Variants in HUWE1 observed in about 807,000 individuals in gnomAD.
HUWE1 encodes the protein E3 ubiquitin-protein ligase HUWE1.
HUWE1 carries 18 observed loss-of-function variants against 299.4 expected under a neutral mutation model. That is an observed-to-expected ratio of 0.06 (90% CI 0.04 to 0.09). The LOEUF is 0.09. Among genes scored for constraint, HUWE1 ranks in the 10% least tolerant of loss-of-function variants. The pLI is 1.00. For missense variants in HUWE1, 1,832 were observed against 3,462.3 expected, an observed-to-expected ratio of 0.53 and a Z score of 11.82; for synonymous variants, 1,317 against 1,286.1, an observed-to-expected ratio of 1.02 and a Z score of -0.51.
rs781831162 is a variant in HUWE1, at chrX:53,536,195, C to A, written c.12483G>T (p.Leu4161=). The stretch of plus-strand genomic sequence containing the variant: ...AGCCTAGTGTGGAGACATCATTTTC[C>A]AGCAGATAAACCAGACCTTGGTAGA... ...YHFYQGLVYL[L]ENDVSTLGYD... The change falls in exon 80 of 84, where the codon CTG becomes CTT. Residue 4161 remains leucine (L), a synonymous_variant. Coordinates refer to ENST00000262854, the MANE Select transcript of HUWE1 (RefSeq NM_031407.7). 2 of 1,205,849 alleles carry A rather than the reference C, an allele frequency of 1.7e-6. No individual in the cohort carries two copies. The highest frequency in any genetic ancestry group is 2.2e-6 in the Non-Finnish European group (2 of 890,476).
At chrX:53,631,689 G>A in intron 9 of HUWE1, 75 bp from the exon 10 acceptor site, 1 of 767,637 alleles carries the variant, frequency 1.3e-6, no homozygotes, top group Non-Finnish European at 2.0e-6. Flanking sequence ...GAGCTCCAAA[G>A]GGCTGTCTGA....
chrX:53,648,791 T>C (rs782068893), intron 4 of HUWE1, among the ~76,000 whole-genome samples: 5 of 112,069 alleles, frequency 4.5e-5, no homozygotes, highest in Non-Finnish European at 7.5e-5. Context: ...ACTAGCTATA[T>C]TTTTCTGTTA....
intron 83 of HUWE1, 66 bp from the exon 84 acceptor site, chrX:53,533,477 T>C: frequency 1.3e-6 from 1 of 783,116 alleles, no homozygotes; most frequent in Non-Finnish European, 1.9e-6. Context: ...TGTGTTCCCA[T>C]GGTGCCCACC....
At chrX:53,641,617 T>C (rs782219992) in intron 7 of HUWE1, among the ~76,000 whole-genome samples, 1 of 111,904 alleles carries the variant, frequency 8.9e-6, no homozygotes, top group African/African-American at 3.2e-5. Context: ...CAGATTATAG[T>C]TGTAGTTTAT....
At chrX:53,536,808 G>A (rs2061082588) in intron 78 of HUWE1, 141 bp from the exon 79 acceptor site, 1 of 536,262 alleles carries the variant, frequency 1.9e-6, no homozygotes, top group Non-Finnish European at 3.1e-6. Context: ...TGCCAGGACA[G>A]CCCAGAAATG....
intron 83 of HUWE1, 33 bp downstream of exon 83, chrX:53,533,974 C>T: frequency 8.5e-7 from 1 of 1,170,170 alleles, no homozygotes; most frequent in Non-Finnish European, 1.2e-6. Flanking sequence ...TCAACCTAAG[C>T]ACTGAAAAGG....
In HUWE1 at chrX:53,648,523, T is replaced by TAAAAA. The variant is rs1557037695; in HGVS notation, c.46-218_46-214dup. 3.0e-4 allele frequency among the ~76,000 whole-genome samples: 26 copies of TAAAAA among 86,912 alleles called. 1 individual carries two copies. The highest frequency in any genetic ancestry group is 2.2e-3 in the African/African-American group (25 of 11,384). 75.5% of individuals were successfully genotyped at this position (86,912 alleles called of 115,157 possible). A position where few individuals can be genotyped will look rare whatever the true frequency, so the allele number is the denominator to read the frequency against. On this transcript the variant is annotated intron_variant, in intron 4 of 83. Transcript: ENST00000262854. ...ATTCCCCCAACAATCCACCTGGGCT[T>TAAAAA]AAAAAACAAAAAAAAACAAAAAAAA...
chrX:53,609,187 T>C (rs2065310044), intron 23 of HUWE1, among the ~76,000 whole-genome samples: 1 of 111,046 alleles, frequency 9.0e-6, no homozygotes, highest in African/African-American at 3.3e-5. Flanking sequence ...TGAATCTACC[T>C]TTCCAAGCCT....
intron 18 of HUWE1, 44 bp downstream of exon 18, chrX:53,625,113 G>C (rs781951402): frequency 4.8e-6 from 4 of 829,253 alleles, no homozygotes; most frequent in Non-Finnish European, 7.3e-6. Context: ...CAATCTTTGA[G>C]AGAGTAAAAT....
At position 53,624,664 on chromosome X, in the gene HUWE1, A is replaced by G; in HGVS notation, c.1603T>C (p.Ser535Pro). ...ATGTGTTTCAGGGAGGTAGGCAGAGAACCATCCATCACTAAAAGAAAAGTG... is the reference window on the plus strand; with the variant it reads ...ATGTGTTTCAGGGAGGTAGGCAGAGGACCATCCATCACTAAAAGAAAAGTG... ...SDGIRHVMDG[S>P]LPTSLKHIIS... Residue 535 changes from serine (S) to proline (P), a missense_variant, in exon 19 of 84, where the codon TCT (serine) becomes CCT (proline). Ser to Pro is a moderately conservative substitution (Grantham distance 74, BLOSUM62 -1). Around this residue, in one of 15 missense-constraint regions of HUWE1, gnomAD observed 658 missense variants for 1,282.6 expected, o/e 0.51. Coordinates refer to ENST00000262854, the MANE Select transcript of HUWE1 (RefSeq NM_031407.7). 1 of 1,194,272 alleles carries G rather than the reference A, an allele frequency of 8.4e-7. No homozygotes were observed. The highest frequency in any genetic ancestry group is 2.2e-5 in the Admixed American group (1 of 46,018).
At chrX:53,583,403 A>G (rs2063719996) in intron 42 of HUWE1, among the ~76,000 whole-genome samples, 155 bp downstream of exon 42, 1 of 111,475 alleles carries the variant, frequency 9.0e-6, no homozygotes. Flanking sequence ...GCAAGCTCCC[A>G]AGCATAGAGT....
At chrX:53,617,204 A>T in intron 20 of HUWE1, 57 bp from the exon 21 acceptor site, 2 of 1,106,025 alleles carry the variant, frequency 1.8e-6, no homozygotes, top group Non-Finnish European at 2.5e-6. Context: ...ATGCTAGGAA[A>T]ATCCGGCCAT....
chrX:53,659,209 G>A (rs782648323), intron 3 of HUWE1, among the ~76,000 whole-genome samples: 1 of 112,407 alleles, frequency 8.9e-6, no homozygotes, highest in Non-Finnish European at 1.9e-5. Context: ...TTACCCAAAG[G>A]AGTTGAAAAC....
chrX:53,536,306 A>C (rs2061063481), intron 79 of HUWE1, 54 bp from the exon 80 acceptor site: 1 of 1,158,670 alleles, frequency 8.6e-7, no homozygotes, highest in Non-Finnish European at 1.2e-6. Context: ...GGGAAGAAGG[A>C]GCACAAGGAT....
At chrX:53,672,264 C>CT (rs374683676) in intron 3 of HUWE1, among the ~76,000 whole-genome samples, 1,446 of 96,703 alleles carry the variant, frequency 0.015, 11 homozygotes, top group African/African-American at 0.033. Context: ...GATGTCCTTA[C>CT]TTTTTTTTTT....
intron 6 of HUWE1, among the ~76,000 whole-genome samples, chrX:53,646,889 A>G (rs1461884897): frequency 8.9e-6 from 1 of 111,967 alleles, no homozygotes; most frequent in African/African-American, 3.2e-5. Context: ...TGCTGCACCT[A>G]CCTTACTCTT....
chrX:53,622,728 G>C (rs151276413), intron 19 of HUWE1, among the ~76,000 whole-genome samples: 43 of 111,726 alleles, frequency 3.8e-4, no homozygotes, highest in African/African-American at 1.3e-3. Context: ...GGGACTTCCT[G>C]TTGCATGATC....
At chrX:53,588,958 C>T (rs1034267235) in intron 36 of HUWE1, among the ~76,000 whole-genome samples, 4 of 112,289 alleles carry the variant, frequency 3.6e-5, no homozygotes, top group Non-Finnish European at 5.6e-5. Context: ...TACTTGTGTT[C>T]TTGTGCATTA....
At chrX:53,684,210 A>C in intron 2 of HUWE1, 1 of 217,832 alleles carries the variant, frequency 4.6e-6, no homozygotes. Flanking sequence ...GTTGAGAACT[A>C]TCGCGATATT....
Sources: allele counts gnomAD v4.1 joint callset (sites outside exome capture counted in the v4.1 genomes callset), GRCh38; gene constraint gnomAD v4.1.1; regional missense constraint gnomAD v4.1.1; transcripts MANE v1.5; gene names NCBI Gene and HGNC (gene_info 2026-07-23, HGNC 2026-07-21).